AGPS: variants seen among roughly 807,000 people sequenced by gnomAD.
The protein encoded by AGPS is alkylglycerone phosphate synthase.
In AGPS, 26 loss-of-function variants were observed where a neutral mutation model predicts 90.7. That is an observed-to-expected ratio of 0.29 (90% CI 0.21 to 0.40). AGPS has a LOEUF of 0.40. AGPS is among the 10% of genes least tolerant of loss of function. The probability of loss-of-function intolerance (pLI) is 1.00; values close to 1 mark genes in which losing one functional copy is unlikely to be tolerated. For synonymous variants in AGPS, 294 were observed against 285.3 expected, an observed-to-expected ratio of 1.03 and a Z score of -0.31; for missense variants, 540 against 816.1, an observed-to-expected ratio of 0.66 and a Z score of 4.12.
chr2:177,493,124 C>CTTTTT, intron 11 of AGPS, 24 bp from the exon 12 acceptor site: 2 of 1,466,960 alleles, frequency 1.4e-6, no homozygotes, highest in African/African-American at 1.4e-5. Context: ...ATTTGTATCA[C>CTTTTT]TTTTTTTTTT....
intron 6 of AGPS, among the ~76,000 whole-genome samples, chr2:177,441,721 G>A (rs1302246453): frequency 2.0e-5 from 3 of 152,094 alleles, no homozygotes; most frequent in Admixed American, 6.5e-5. Context: ...GAATTTATTC[G>A]ATATATGGTG....
rs1481995752 is a variant in AGPS at position 177,538,672 on chromosome 2, G to GA, written c.*479dup. On this transcript the variant is annotated 3_prime_UTR_variant, in exon 20 of 20. Transcript: ENST00000264167. ...TCTAGTGTGAGTAGGCCATTAAGGG[G>GA]AAGGATATTCATGAAAGAATTTAGG... 1.2e-5 allele frequency: 2 copies of GA among 161,296 alleles called. No homozygotes were observed. Among genetic ancestry groups the GA allele is most frequent in the African/African-American group, 4.8e-5 (2 of 41,468 alleles). The allele number at this position is 161,296 out of a possible 1,614,324, so 10.0% of individuals were successfully genotyped here.
At position 177,412,777 on chromosome 2, in the gene AGPS, C is replaced by T. The variant is rs548106154; in HGVS notation, c.261-7492C>T. 3.5e-3 allele frequency among the ~76,000 whole-genome samples: 539 copies of T among 152,182 alleles called. 4 individuals are homozygous for T. Among genetic ancestry groups the T allele is most frequent in the Non-Finnish European group, 6.4e-3 (435 of 68,000 alleles). On this transcript the variant is annotated intron_variant, in intron 1 of 19. Coordinates refer to ENST00000264167, the MANE Select transcript of AGPS (RefSeq NM_003659.4). ...GGATTCCAAGGAATGGAATCTTGGGCCATGTGGTGAGTGTTATAGCTCTAT... is the reference window on the plus strand; with the variant it reads ...GGATTCCAAGGAATGGAATCTTGGGTCATGTGGTGAGTGTTATAGCTCTAT...
chr2:177,455,441 T>A (rs1687083188), intron 8 of AGPS, among the ~76,000 whole-genome samples: 1 of 152,148 alleles, frequency 6.6e-6, no homozygotes, highest in African/African-American at 2.4e-5. Flanking sequence ...GCAAGTTCAG[T>A]GTTTGAAAAC....
intron 1 of AGPS, chr2:177,393,592 G>T: frequency 1.0e-6 from 1 of 984,614 alleles, no homozygotes; most frequent in Non-Finnish European, 1.2e-6. Flanking sequence ...GGAAACCGAT[G>T]AATGGTAAGA....
At chr2:177,458,886 A>AGGATTGTCTTGTCCTGG (rs1399997272) in intron 8 of AGPS, among the ~76,000 whole-genome samples, 4 of 152,222 alleles carry the variant, frequency 2.6e-5, no homozygotes. Flanking sequence ...GGACAAGAAG[A>AGGATTGTCTTGTCCTGG]ACAAAGCTGG....
intron 1 of AGPS, among the ~76,000 whole-genome samples, chr2:177,411,072 G>A (rs1476063011): frequency 2.0e-5 from 3 of 152,132 alleles, no homozygotes; most frequent in Non-Finnish European, 4.4e-5. Flanking sequence ...GACTAAAGCG[G>A]TGACCTTTTT....
chr2:177,446,171 T>G (rs1439258792), intron 8 of AGPS, among the ~76,000 whole-genome samples: 2 of 151,700 alleles, frequency 1.3e-5, no homozygotes, highest in African/African-American at 4.8e-5. Context: ...TTATTTTTTT[T>G]GAGACGGAGT....
chr2:177,408,637 C>T (rs1040770799), intron 1 of AGPS, among the ~76,000 whole-genome samples: 70 of 152,224 alleles, frequency 4.6e-4, no homozygotes, highest in Non-Finnish European at 9.0e-4. Flanking sequence ...CTCTTGCTGC[C>T]CATTGTTTTC....
rs150977180 is a variant in AGPS, at chr2:177,507,993, A to G, written c.1569A>G (p.Val523=). The G allele has an allele frequency of 2.4e-5, 39 of 1,613,044 alleles. No homozygotes were observed. The highest frequency in any genetic ancestry group is 4.4e-5 in the South Asian group (4 of 91,060). ...YIRDLALEYY[V]LGESFETSAP... is the part of the protein sequence containing the mutation. ...AGGACTTGGCTTTGGAATACTATGT[A>G]TTAGGAGAATCTTTTGAGACTTCTG... The change falls in exon 16 of 20, where the codon GTA becomes GTG. Residue 523 remains valine (V), a synonymous_variant. Transcript: ENST00000264167.
intron 8 of AGPS, among the ~76,000 whole-genome samples, chr2:177,450,054 G>A (rs1006149829): frequency 6.6e-6 from 1 of 152,046 alleles, no homozygotes; most frequent in Non-Finnish European, 1.5e-5. Flanking sequence ...AGCCAGGATG[G>A]TCTTGATCTC....
chr2:177,493,023 C>T, intron 11 of AGPS, 125 bp from the exon 12 acceptor site: 26 of 812,194 alleles, frequency 3.2e-5, no homozygotes, highest in Non-Finnish European at 3.7e-5. Flanking sequence ...ACTTTTTTTC[C>T]TCTGTAAATC....
intron 8 of AGPS, among the ~76,000 whole-genome samples, chr2:177,454,694 A>G (rs1192841085): frequency 6.6e-6 from 1 of 152,050 alleles, no homozygotes; most frequent in East Asian, 1.9e-4. Flanking sequence ...TTCTACAAAT[A>G]TTCTTCAGCT....
intron 10 of AGPS, among the ~76,000 whole-genome samples, chr2:177,479,632 C>T (rs952455045): frequency 2.0e-5 from 3 of 152,044 alleles, no homozygotes; most frequent in African/African-American, 7.3e-5. Flanking sequence ...CATGGATGAA[C>T]CTTGAAAACA....
intron 11 of AGPS, among the ~76,000 whole-genome samples, chr2:177,490,319 A>G (rs141015070): frequency 7.2e-5 from 11 of 152,314 alleles, no homozygotes; most frequent in African/African-American, 2.2e-4. Flanking sequence ...CCTAGATGCT[A>G]TTTTTGAGTG....
intron 13 of AGPS, among the ~76,000 whole-genome samples, chr2:177,498,180 C>G (rs1027397971): frequency 6.6e-6 from 1 of 151,426 alleles, no homozygotes; most frequent in African/African-American, 2.4e-5. Context: ...ATGTGGGATT[C>G]TTTTTGTTAC....
intron 9 of AGPS, among the ~76,000 whole-genome samples, chr2:177,467,421 C>T (rs1309474066): frequency 6.6e-6 from 1 of 152,022 alleles, no homozygotes; most frequent in Admixed American, 6.5e-5. Flanking sequence ...TTGGTATATA[C>T]ATCTTTAATC....
rs145172684 is a variant in AGPS, at chr2:177,460,139, G to A, written c.871-1754G>A. Reference sequence around the variant, plus strand: ...ATGAGTACACATGGATACAGGGAGAGGAACATCACACAGTGGGGCCTGGGG... The same window carrying A: ...ATGAGTACACATGGATACAGGGAGAAGAACATCACACAGTGGGGCCTGGGG... On this transcript the variant is annotated intron_variant, in intron 8 of 19. Coordinates refer to ENST00000264167, the MANE Select transcript of AGPS (RefSeq NM_003659.4). 5.6e-4 allele frequency among the ~76,000 whole-genome samples: 85 copies of A among 152,260 alleles called. 1 individual carries two copies. The highest frequency in any genetic ancestry group is 2.0e-3 in the African/African-American group (82 of 41,548).
intron 8 of AGPS, among the ~76,000 whole-genome samples, chr2:177,455,644 C>A (rs1008327640): frequency 1.1e-4 from 17 of 151,892 alleles, no homozygotes; most frequent in African/African-American, 4.1e-4. Context: ...GAGGGTAAAT[C>A]CTAGCTCCTT....
Sources: gnomAD v4.1 joint callset for allele counts (sites outside exome capture counted in the v4.1 genomes callset) on GRCh38, gnomAD v4.1.1 for gene constraint, MANE v1.5 for transcripts, NCBI Gene and HGNC (gene_info 2026-07-23, HGNC 2026-07-21) for gene names.